UBE2D3: variants seen among roughly 807,000 people sequenced by gnomAD.
UBE2D3 encodes ubiquitin-conjugating enzyme E2 D3.
A neutral mutation model predicts 22.8 loss-of-function variants in UBE2D3; 2 were observed. The ratio of observed to expected loss-of-function variants is 0.09; its 90% CI spans 0.04 to 0.28. The LOEUF is 0.28. UBE2D3 is among the 10% of genes least tolerant of loss of function. The probability of loss-of-function intolerance (pLI) is 1.00; values close to 1 mark genes in which losing one functional copy is unlikely to be tolerated. For missense variants in UBE2D3, 27 were observed against 182.5 expected (o/e 0.15, Z 4.91); for synonymous variants, 56 against 60.4 (o/e 0.93, Z 0.34).
chr4:102,800,821 C>T (rs1726040572), intron 6 of UBE2D3, among the ~76,000 whole-genome samples: 1 of 151,946 alleles, frequency 6.6e-6, no homozygotes, highest in African/African-American at 2.4e-5. Context: ...AATCAAAAAA[C>T]AATTAATGGT....
At chr4:102,862,934 C>T (rs2062730444) in intron 1 of UBE2D3, among the ~76,000 whole-genome samples, 1 of 152,168 alleles carries the variant, frequency 6.6e-6, no homozygotes, top group Non-Finnish European at 1.5e-5. Flanking sequence ...AATCTTCAGA[C>T]TGCTTACACT....
intron 1 of UBE2D3, among the ~76,000 whole-genome samples, chr4:102,838,922 C>T (rs1206511157): frequency 1.3e-5 from 2 of 151,702 alleles, no homozygotes; most frequent in South Asian, 2.1e-4. Flanking sequence ...TTTCTTCTGA[C>T]CCCCAAATCA....
chr4:102,823,035 AGAC>A (rs1729880179), intron 2 of UBE2D3, among the ~76,000 whole-genome samples: 1 of 152,242 alleles, frequency 6.6e-6, no homozygotes. Context: ...TTGTGTGACT[AGAC>A]GACTATTTCT....
chr4:102,867,909 AT>A (rs1020855284), intron 1 of UBE2D3, among the ~76,000 whole-genome samples: 5 of 150,142 alleles, frequency 3.3e-5, no homozygotes, highest in African/African-American at 1.2e-4. Context: ...ATGAAAAAAA[AT>A]TTTTTTTTAG....
chr4:102,831,673 T>G (rs1731123637), upstream of UBE2D3, among the ~76,000 whole-genome samples: 1 of 152,218 alleles, frequency 6.6e-6, no homozygotes, highest in South Asian at 2.1e-4. Flanking sequence ...ACATACTGTT[T>G]GATTCTGTTT....
At chr4:102,842,440 A>T (rs984688849) in intron 1 of UBE2D3, among the ~76,000 whole-genome samples, 1 of 151,998 alleles carries the variant, frequency 6.6e-6, no homozygotes, top group African/African-American at 2.4e-5. Flanking sequence ...CTGTAATCTC[A>T]GCTACTCAAG....
intron 4 of UBE2D3, chr4:102,809,085 C>T (rs904247069): frequency 2.3e-5 from 5 of 216,130 alleles, no homozygotes; most frequent in African/African-American, 9.5e-5. Flanking sequence ...TGTTTTAGTG[C>T]GCTCTAATTC....
intron 2 of UBE2D3, among the ~76,000 whole-genome samples, chr4:102,822,879 T>C (rs1034390143): frequency 1.1e-4 from 17 of 149,798 alleles, no homozygotes; most frequent in African/African-American, 4.2e-4. Flanking sequence ...GAGCTTGCAG[T>C]GAGCTGAGAT....
chr4:102,849,770 C>T (rs1377229845), intron 1 of UBE2D3, among the ~76,000 whole-genome samples: 1 of 152,160 alleles, frequency 6.6e-6, no homozygotes, highest in African/African-American at 2.4e-5. Flanking sequence ...AAAAGATTGA[C>T]AATACCACGT....
upstream of UBE2D3, chr4:102,827,555 G>A (rs898626581): frequency 1.8e-5 from 18 of 986,580 alleles, no homozygotes; most frequent in Non-Finnish European, 2.2e-5. Flanking sequence ...CGGAACTACT[G>A]CCAGCTGCCA....
chr4:102,842,525 T>C (rs1486203909), intron 1 of UBE2D3, among the ~76,000 whole-genome samples: 2 of 151,682 alleles, frequency 1.3e-5, no homozygotes, highest in Admixed American at 1.3e-4. Flanking sequence ...CAGTGCACTC[T>C]AGCCTGAGTG....
chr4:102,806,846 A>C (rs962389300), intron 4 of UBE2D3, among the ~76,000 whole-genome samples: 24 of 151,908 alleles, frequency 1.6e-4, no homozygotes, highest in East Asian at 5.8e-4. Flanking sequence ...CCCCCTCCCC[A>C]AAAAAACCCA....
intron 1 of UBE2D3, among the ~76,000 whole-genome samples, chr4:102,834,354 T>C (rs1345909905): frequency 1.3e-5 from 2 of 152,140 alleles, no homozygotes; most frequent in Non-Finnish European, 2.9e-5. Flanking sequence ...AGGGAAACCA[T>C]GGGTAAAGGA....
rs896744286 is a variant in UBE2D3, at chr4:102,819,503, CCAGT to C, written c.24+6978_24+6981del. On this transcript the variant is annotated intron_variant, in intron 2 of 7. Transcript: ENST00000453744. ...TCGGTTAACTTTCTTTCAATGACAG[CCAGT>C]ATCTGTTCATCAGATCAACATAACC... 6.4e-6 allele frequency: 6 copies of C among 933,898 alleles called. No homozygotes were observed. The African/African-American group carries it at 1.1e-4, about 17-fold the overall frequency. The allele number at this position is 933,898 out of a possible 1,614,324, so 57.9% of individuals were successfully genotyped here. A position where few individuals can be genotyped will look rare whatever the true frequency, so the allele number is the denominator to read the frequency against.
At chr4:102,858,967 T>C (rs138571323) in intron 1 of UBE2D3, among the ~76,000 whole-genome samples, 1 of 152,172 alleles carries the variant, frequency 6.6e-6, no homozygotes, top group African/African-American at 2.4e-5. Context: ...ATTCTGAATG[T>C]AACTCTATAC....
At chr4:102,822,015 A>G (rs1729702374) in intron 2 of UBE2D3, among the ~76,000 whole-genome samples, 1 of 152,250 alleles carries the variant, frequency 6.6e-6, no homozygotes, top group Non-Finnish European at 1.5e-5. Flanking sequence ...GATAGATTAT[A>G]GCAACATGCT....
intron 4 of UBE2D3, among the ~76,000 whole-genome samples, chr4:102,807,210 T>A (rs2110273473): frequency 6.6e-6 from 1 of 152,306 alleles, no homozygotes; most frequent in Non-Finnish European, 1.5e-5. Flanking sequence ...TTGCTTTAGG[T>A]CACAACTGCT....
intron 1 of UBE2D3, among the ~76,000 whole-genome samples, chr4:102,846,467 TG>T (rs1022764991): frequency 2.0e-5 from 3 of 152,232 alleles, no homozygotes; most frequent in African/African-American, 7.2e-5. Context: ...AAATTTGCCA[TG>T]ATCTAACCTT....
intron 2 of UBE2D3, chr4:102,819,574 CT>C: frequency 1.0e-6 from 1 of 985,322 alleles, no homozygotes; most frequent in South Asian, 4.7e-5. Context: ...AGTGTCAACC[CT>C]ATTAAAGCGT....
Sources: gnomAD v4.1 joint callset for allele counts (sites outside exome capture counted in the v4.1 genomes callset) on GRCh38, gnomAD v4.1.1 for gene constraint, MANE v1.5 for transcripts, NCBI Gene and HGNC (gene_info 2026-07-23, HGNC 2026-07-21) for gene names.